Variants in HHAT observed in about 807,000 individuals in gnomAD.
HHAT encodes protein-cysteine N-palmitoyltransferase HHAT.
In HHAT, 47 loss-of-function variants were observed where a neutral mutation model predicts 70.8. The observed-to-expected ratio is 0.66, with a 90% CI of 0.53 to 0.85. The LOEUF (loss-of-function observed/expected upper bound fraction) is 0.85. Ranked by LOEUF, HHAT falls within the 40% of genes least tolerant of loss-of-function variation. HHAT has a pLI of 0.00. For synonymous variants in HHAT, 228 were observed against 247.6 expected (o/e 0.92, Z 0.74); for missense variants, 609 against 604.8 (o/e 1.01, Z -0.07).
chr1:210,478,255 GC>G (rs2094336102), intron 8 of HHAT, among the ~76,000 whole-genome samples: 1 of 152,162 alleles, frequency 6.6e-6, no homozygotes, highest in Admixed American at 6.5e-5. Flanking sequence ...CTATTAGATA[GC>G]AGATTTAATT....
intron 8 of HHAT, among the ~76,000 whole-genome samples, chr1:210,503,701 C>T (rs1003566984): frequency 6.6e-6 from 1 of 152,182 alleles, no homozygotes; most frequent in Non-Finnish European, 1.5e-5. Context: ...CTCTCCTTCT[C>T]ATCCTCTCTT....
intron 9 of HHAT, among the ~76,000 whole-genome samples, chr1:210,566,613 A>G (rs1227878297): frequency 6.6e-6 from 1 of 152,108 alleles, no homozygotes; most frequent in Non-Finnish European, 1.5e-5. Context: ...GGAGAAGAGA[A>G]GGAATGTCTG....
At chr1:210,430,242 A>T (rs1295708643) in intron 7 of HHAT, among the ~76,000 whole-genome samples, 1 of 151,874 alleles carries the variant, frequency 6.6e-6, no homozygotes. Flanking sequence ...ACTGAAAGAT[A>T]TCCCAGTGCT....
At chr1:210,573,827 C>A (rs1397888561) in intron 9 of HHAT, among the ~76,000 whole-genome samples, 1 of 152,146 alleles carries the variant, frequency 6.6e-6, no homozygotes, top group Non-Finnish European at 1.5e-5. Flanking sequence ...TAAACAATGA[C>A]ACTTATGAAG....
At chr1:210,526,367 G>GTTCTGTTTTTTTTTTT (rs2095245205) in intron 9 of HHAT, among the ~76,000 whole-genome samples, 2 of 142,336 alleles carry the variant, frequency 1.4e-5, no homozygotes, top group African/African-American at 5.2e-5. Flanking sequence ...AGTGGGTTCT[G>GTTCTGTTTTTTTTTTT]TTTTTTTTTT....
intron 6 of HHAT, among the ~76,000 whole-genome samples, chr1:210,410,740 A>G (rs1964119): frequency 0.95 from 143,607 of 151,888 alleles, 67,966 homozygotes; most frequent in African/African-American, 0.98. Flanking sequence ...TGGCCAGGCT[A>G]GTCTTGAACT....
At chr1:210,417,810 C>A (rs564712745) in intron 6 of HHAT, among the ~76,000 whole-genome samples, 1 of 152,244 alleles carries the variant, frequency 6.6e-6, no homozygotes, top group Admixed American at 6.5e-5. Context: ...TAGCCCGAAA[C>A]TCCAAATTCC....
chr1:210,513,784 T>C (rs2095002774), intron 9 of HHAT, among the ~76,000 whole-genome samples: 1 of 152,242 alleles, frequency 6.6e-6, no homozygotes, highest in South Asian at 2.1e-4. Flanking sequence ...AACTTTGCTG[T>C]GTTTTCTAAA....
At chr1:210,630,793 A>G (rs1433679251) in intron 11 of HHAT, among the ~76,000 whole-genome samples, 1 of 152,206 alleles carries the variant, frequency 6.6e-6, no homozygotes, top group East Asian at 1.9e-4. Flanking sequence ...AAGCAGAAGC[A>G]ATCTCTCCTT....
intron 2 of HHAT, 64 bp from the exon 3 acceptor site, chr1:210,362,788 G>C (rs1181552669): frequency 2.2e-6 from 3 of 1,347,340 alleles, no homozygotes; most frequent in African/African-American, 1.4e-5. Flanking sequence ...CAGTGCTTCA[G>C]CTCTTCAGCC....
intron 9 of HHAT, among the ~76,000 whole-genome samples, chr1:210,585,400 G>A (rs1310470782): frequency 6.6e-6 from 1 of 152,102 alleles, no homozygotes; most frequent in East Asian, 1.9e-4. Context: ...GGGGAAAAGA[G>A]ACCTCAGTAT....
At chr1:210,661,190 G>A (rs1677626195) in intron 11 of HHAT, among the ~76,000 whole-genome samples, 1 of 150,384 alleles carries the variant, frequency 6.6e-6, no homozygotes, top group African/African-American at 2.4e-5. Flanking sequence ...CTAATATCCA[G>A]AATCTACAAT....
chr1:210,623,096 G>A (rs1317830078), intron 10 of HHAT, among the ~76,000 whole-genome samples: 1 of 152,116 alleles, frequency 6.6e-6, no homozygotes, highest in Non-Finnish European at 1.5e-5. Context: ...TTCGAGACAC[G>A]CTCTTGTTCT....
intron 4 of HHAT, among the ~76,000 whole-genome samples, chr1:210,388,762 C>T (rs772308284): frequency 2.0e-4 from 31 of 151,330 alleles, no homozygotes; most frequent in African/African-American, 7.5e-4. Context: ...GTTTTTTTTT[C>T]CCCAAGAATT....
intron 1 of HHAT, among the ~76,000 whole-genome samples, chr1:210,332,816 A>G (rs543778184): frequency 6.6e-6 from 1 of 152,324 alleles, no homozygotes; most frequent in South Asian, 2.1e-4. Context: ...TAATTTGAGT[A>G]TGACTCCTGG....
chr1:210,655,025 T>C (rs1676089209), intron 11 of HHAT, among the ~76,000 whole-genome samples: 1 of 152,218 alleles, frequency 6.6e-6, no homozygotes, highest in Non-Finnish European at 1.5e-5. Flanking sequence ...CGTCCCGAAC[T>C]GACCCAAAAC....
At chr1:210,483,610 T>G (rs934681088) in intron 8 of HHAT, among the ~76,000 whole-genome samples, 81 of 74,110 alleles carry the variant, frequency 1.1e-3, no homozygotes, top group Admixed American at 5.4e-4. Flanking sequence ...CTAATAGCTA[T>G]CATCTAAATA....
chr1:210,592,591 G>A lies in HHAT; in HGVS notation c.1245+4492G>A, dbSNP rs150230277. Among the ~76,000 whole-genome samples the A allele has an allele frequency of 7.3e-3, 1,104 of 152,060 alleles. 19 individuals are homozygous for A. Among genetic ancestry groups the A allele is most frequent in the African/African-American group, 0.026 (1,060 of 41,500 alleles). ...GAAGAATGTCCTTAGTATTTTGATA[G>A]AGATTGCATTGAATCTGTAGATTAC... On this transcript the variant is annotated intron_variant, in intron 10 of 11. Coordinates refer to ENST00000261458, the MANE Select transcript of HHAT (RefSeq NM_018194.6).
chr1:210,346,590 C>T (rs1259016198), intron 1 of HHAT, among the ~76,000 whole-genome samples: 1 of 152,232 alleles, frequency 6.6e-6, no homozygotes, highest in Non-Finnish European at 1.5e-5. Context: ...TTCTGGATCT[C>T]TTAGGTTGCA....
Sources: gnomAD v4.1 joint callset for allele counts (sites outside exome capture counted in the v4.1 genomes callset) on GRCh38, gnomAD v4.1.1 for gene constraint, MANE v1.5 for transcripts, NCBI Gene and HGNC (gene_info 2026-07-23, HGNC 2026-07-21) for gene names.